GRM1: variants seen among roughly 807,000 people sequenced by gnomAD.
GRM1 encodes the protein glutamate metabotropic receptor 1, also known as metabotropic glutamate receptor 1.
GRM1 carries 33 observed loss-of-function variants against 90.9 expected under a neutral mutation model. The ratio of observed to expected loss-of-function variants is 0.36; its 90% CI spans 0.28 to 0.49. The LOEUF is 0.49. Among genes scored for constraint, GRM1 ranks in the 20% least tolerant of loss-of-function variants. The pLI, the probability that GRM1 is intolerant of heterozygous loss-of-function variation, is 0.99. For synonymous variants in GRM1, 700 were observed against 613.2 expected, an observed-to-expected ratio of 1.14 and a Z score of -2.09; for missense variants, 1,190 against 1,534.3, an observed-to-expected ratio of 0.78 and a Z score of 3.75.
At chr6:146,430,802 C>G (rs903690568) in intron 7 of GRM1, among the ~76,000 whole-genome samples, 2 of 152,154 alleles carry the variant, frequency 1.3e-5, no homozygotes, top group Admixed American at 1.3e-4. Context: ...ACTAAATATA[C>G]CTCTCTTCAC....
chr6:146,413,700 A>G (rs1258500042), intron 7 of GRM1, among the ~76,000 whole-genome samples: 1 of 152,210 alleles, frequency 6.6e-6, no homozygotes, highest in Non-Finnish European at 1.5e-5. Flanking sequence ...CACTCTAGAA[A>G]GTTTCCTAGT....
intron 1 of GRM1, among the ~76,000 whole-genome samples, chr6:146,116,714 A>C (rs1242125407): frequency 6.6e-6 from 1 of 152,122 alleles, no homozygotes; most frequent in Admixed American, 6.6e-5. Flanking sequence ...AAGTCATCTA[A>C]TTTCAGTAAA....
chr6:146,291,598 C>A (rs567211607), intron 2 of GRM1, among the ~76,000 whole-genome samples: 26 of 151,672 alleles, frequency 1.7e-4, no homozygotes, highest in Non-Finnish European at 3.4e-4. Flanking sequence ...AAGTGAAAGA[C>A]TTTTTCACAG....
intron 3 of GRM1, among the ~76,000 whole-genome samples, chr6:146,327,243 A>G (rs1277849472): frequency 6.6e-6 from 1 of 152,134 alleles, no homozygotes; most frequent in African/African-American, 2.4e-5. Flanking sequence ...TGTGATTCTT[A>G]TGACTTTTTA....
intron 7 of GRM1, among the ~76,000 whole-genome samples, chr6:146,410,054 A>T (rs899715115): frequency 6.6e-6 from 1 of 152,210 alleles, no homozygotes; most frequent in Non-Finnish European, 1.5e-5. Context: ...ATCAAACTTC[A>T]TATTTCTCAT....
chr6:146,257,767 G>T (rs1781540585), intron 2 of GRM1, among the ~76,000 whole-genome samples: 1 of 151,644 alleles, frequency 6.6e-6, no homozygotes, highest in African/African-American at 2.4e-5. Context: ...TTTGATTCAG[G>T]CTCTCAATGG....
Position 146,369,188 on chromosome 6 carries a change from T to A in GRM1, c.1602+11494T>A, listed in dbSNP as rs147343577. Among the ~76,000 whole-genome samples, 126 of 152,058 alleles carry A rather than the reference T, an allele frequency of 8.3e-4. 1 individual carries two copies. Among genetic ancestry groups the A allele is most frequent in the African/African-American group, 2.7e-3 (114 of 41,540 alleles). The stretch of plus-strand genomic sequence containing the variant: ...TGTGGTATCAATTGTGGTGCCTTTT[T>A]TTCATCTCTGATTTTATTTATTTGG... On this transcript the variant is annotated intron_variant, in intron 5 of 7. Transcript: ENST00000282753.
intron 1 of GRM1, among the ~76,000 whole-genome samples, chr6:146,052,419 G>C (rs1562431072): frequency 6.6e-6 from 1 of 152,014 alleles, no homozygotes. Flanking sequence ...TGGAGGCTCT[G>C]CTGGAGCCTG....
intron 1 of GRM1, among the ~76,000 whole-genome samples, chr6:146,097,290 A>T (rs1032397961): frequency 6.6e-6 from 1 of 152,118 alleles, no homozygotes; most frequent in African/African-American, 2.4e-5. Flanking sequence ...GCTTTATTTT[A>T]AATTCATATT....
chr6:146,411,820 A>C (rs9390385), intron 7 of GRM1, among the ~76,000 whole-genome samples: 95,505 of 152,038 alleles, frequency 0.63, 32,109 homozygotes, highest in African/African-American at 0.89. Context: ...TTGTTGGGCT[A>C]CAAGACCTAT....
At chr6:146,204,055 A>G (rs1431696899) in intron 2 of GRM1, among the ~76,000 whole-genome samples, 1 of 152,204 alleles carries the variant, frequency 6.6e-6, no homozygotes, top group Non-Finnish European at 1.5e-5. Context: ...TTGAGTGTTA[A>G]TTATATGCAC....
Position 146,159,602 on chromosome 6 carries a change from G to C in GRM1, c.950+5G>C, listed in dbSNP as rs919264733. On this transcript the variant is annotated splice_donor_5th_base_variant and intron_variant, in intron 2 of 7. Coordinates refer to ENST00000282753, the MANE Select transcript of GRM1 (RefSeq NM_001278064.2). Reference sequence around the variant, plus strand: ...CGAGTTCTCACTCATTGGAAGGTAAGTTTCTCTCTCTCTCTCTCTCTCTCT... The same window carrying C: ...CGAGTTCTCACTCATTGGAAGGTAACTTTCTCTCTCTCTCTCTCTCTCTCT... 4 of 1,526,388 alleles carry C rather than the reference G, an allele frequency of 2.6e-6. No homozygotes were observed. The African/African-American group carries it at 6.0e-5, about 23-fold the overall frequency. 94.6% of individuals were successfully genotyped at this position (1,526,388 alleles called of 1,614,324 possible).
In GRM1 at chr6:146,174,287, A is replaced by G. The variant is rs117385023; in HGVS notation, c.950+14690A>G. On this transcript the variant is annotated intron_variant, in intron 2 of 7. Coordinates refer to ENST00000282753, the MANE Select transcript of GRM1 (RefSeq NM_001278064.2). ...CTTCAGGGATGTGTGGAAACACTACACAATAACTACTGGATATGACTTTAT... is the reference window on the plus strand; with the variant it reads ...CTTCAGGGATGTGTGGAAACACTACGCAATAACTACTGGATATGACTTTAT... 5.7e-3 allele frequency among the ~76,000 whole-genome samples: 863 copies of G among 152,266 alleles called. 9 individuals are homozygous for G. Among genetic ancestry groups the G allele is most frequent in the Admixed American group, 9.0e-3 (138 of 15,288 alleles).
intron 2 of GRM1, among the ~76,000 whole-genome samples, chr6:146,188,972 G>A (rs1361139150): frequency 6.6e-6 from 1 of 152,154 alleles, no homozygotes. Flanking sequence ...AAGCTACTGT[G>A]CTAAAAGCTG....
At chr6:146,092,060 G>A (rs1776733175) in intron 1 of GRM1, among the ~76,000 whole-genome samples, 1 of 152,018 alleles carries the variant, frequency 6.6e-6, no homozygotes, top group Non-Finnish European at 1.5e-5. Flanking sequence ...TGTCTTCATT[G>A]TTTTGGCTGC....
rs149405405 is a variant in GRM1 at position 146,130,372 on chromosome 6, G to A, written c.701-28976G>A. ...TGTGTATTTCCTGAAAGTAAATAAT[G>A]AAAATAAATTTCTTAAGAAAAATAG... On this transcript the variant is annotated intron_variant, in intron 1 of 7. Coordinates refer to ENST00000282753, the MANE Select transcript of GRM1 (RefSeq NM_001278064.2). 9.4e-3 allele frequency among the ~76,000 whole-genome samples: 1,423 copies of A among 151,806 alleles called. 18 individuals carry two copies. The highest frequency in any genetic ancestry group is 0.032 in the African/African-American group (1,314 of 41,370).
intron 2 of GRM1, among the ~76,000 whole-genome samples, chr6:146,241,794 A>G (rs1780874284): frequency 6.6e-6 from 1 of 152,126 alleles, no homozygotes; most frequent in Non-Finnish European, 1.5e-5. Context: ...GAGAGATTTT[A>G]TATAGAGATT....
At chr6:146,291,933 A>G (rs1293520674) in intron 2 of GRM1, among the ~76,000 whole-genome samples, 1 of 152,078 alleles carries the variant, frequency 6.6e-6, no homozygotes, top group African/African-American at 2.4e-5. Flanking sequence ...AGCCATAGTA[A>G]TCAAAACAAT....
intron 3 of GRM1, among the ~76,000 whole-genome samples, chr6:146,346,115 A>G (rs1303371450): frequency 6.6e-6 from 1 of 152,184 alleles, no homozygotes; most frequent in African/African-American, 2.4e-5. Context: ...TGTTTTCCAG[A>G]TACACCATAA....
Sources: allele counts gnomAD v4.1 joint callset (sites outside exome capture counted in the v4.1 genomes callset), GRCh38; gene constraint gnomAD v4.1.1; transcripts MANE v1.5; gene names NCBI Gene and HGNC (gene_info 2026-07-23, HGNC 2026-07-21).